SDHB: variants seen among roughly 807,000 people sequenced by gnomAD.
SDHB encodes the protein succinate dehydrogenase [ubiquinone] iron-sulfur subunit, mitochondrial.
Under a neutral mutation model 39.7 loss-of-function variants are expected in SDHB, and 21 were observed. The observed-to-expected ratio is 0.53, with a 90% CI of 0.37 to 0.76. SDHB has a LOEUF of 0.76. Ranked by LOEUF, SDHB falls within the 30% of genes least tolerant of loss-of-function variation. The probability of loss-of-function intolerance (pLI) is 0.00; values close to 1 mark genes in which losing one functional copy is unlikely to be tolerated. For synonymous variants in SDHB, 118 were observed against 117.0 expected (o/e 1.01, Z -0.06); for missense variants, 343 against 350.9 (o/e 0.98, Z 0.18).
chr1:17,032,346 C>A (rs113751922), intron 3 of SDHB, among the ~76,000 whole-genome samples: 1 of 87,396 alleles, frequency 1.1e-5, no homozygotes, highest in African/African-American at 9.2e-5. Context: ...CGCTATCACG[C>A]CCGGCTAATT....
intron 2 of SDHB, among the ~76,000 whole-genome samples, chr1:17,038,678 T>C (rs907582663): frequency 6.6e-6 from 1 of 152,234 alleles, no homozygotes; most frequent in Non-Finnish European, 1.5e-5. Context: ...CAATAAAGTA[T>C]GCTATTAGCT....
chr1:17,019,010 G>T, intron 7 of SDHB, 52 bp from the exon 8 acceptor site: 1 of 1,392,172 alleles, frequency 7.2e-7, no homozygotes, highest in Non-Finnish European at 1.0e-6. Flanking sequence ...AACTGAAAGG[G>T]AAAACCCACA....
At chr1:17,019,967 T>C (rs2077951834) in intron 7 of SDHB, among the ~76,000 whole-genome samples, 2 of 152,156 alleles carry the variant, frequency 1.3e-5, no homozygotes, top group Admixed American at 1.3e-4. Flanking sequence ...AAAGACACTC[T>C]TCATATACCA....
At chr1:17,052,863 C>T (rs796864093) in intron 1 of SDHB, among the ~76,000 whole-genome samples, 3 of 152,294 alleles carry the variant, frequency 2.0e-5, no homozygotes, top group African/African-American at 7.2e-5. Flanking sequence ...TTCTTGGACA[C>T]CAACCATGTC....
At chr1:17,045,133 G>A (rs2078102371) in intron 1 of SDHB, 1 of 504,672 alleles carries the variant, frequency 2.0e-6, no homozygotes, top group African/African-American at 1.9e-5. Flanking sequence ...CATCTTCACA[G>A]AACTTACTTT....
At chr1:17,024,333 A>G (rs1392281773) in intron 5 of SDHB, among the ~76,000 whole-genome samples, 1 of 152,184 alleles carries the variant, frequency 6.6e-6, no homozygotes. Flanking sequence ...AGAACCTCTC[A>G]CTTGTCTAAA....
At chr1:17,039,740 T>C (rs542755701) in intron 2 of SDHB, among the ~76,000 whole-genome samples, 2 of 152,356 alleles carry the variant, frequency 1.3e-5, no homozygotes, top group Non-Finnish European at 2.9e-5. Context: ...GCTACATTAT[T>C]ATAGGTCTAT....
At chr1:17,030,198 A>G in intron 3 of SDHB, among the ~76,000 whole-genome samples, 1 of 152,146 alleles carries the variant, frequency 6.6e-6, no homozygotes, top group East Asian at 1.9e-4. Context: ...CAAAAAAAAG[A>G]AAAAAATAAT....
chr1:17,050,903 C>T (rs1204767883), intron 1 of SDHB, among the ~76,000 whole-genome samples: 1 of 152,180 alleles, frequency 6.6e-6, no homozygotes, highest in Non-Finnish European at 1.5e-5. Context: ...CCTTTATAAT[C>T]TGTCACACAC....
intron 3 of SDHB, chr1:17,032,488 G>A (rs1570951126): frequency 6.3e-6 from 1 of 158,034 alleles, no homozygotes; most frequent in African/African-American, 2.4e-5. Flanking sequence ...GCACCCGGCA[G>A]TAATTATATT....
intron 1 of SDHB, among the ~76,000 whole-genome samples, chr1:17,047,961 G>A (rs1280123305): frequency 2.6e-5 from 4 of 152,142 alleles, no homozygotes; most frequent in Non-Finnish European, 5.9e-5. Flanking sequence ...ATATAGGCAT[G>A]AGCCACCATG....
chr1:17,032,651 C>G, intron 3 of SDHB: 1 of 303,988 alleles, frequency 3.3e-6, no homozygotes. Flanking sequence ...CTACCAAGGA[C>G]ATGTCATGCT....
chr1:17,046,795 AC>A (rs1409645902), intron 1 of SDHB, among the ~76,000 whole-genome samples: 1 of 152,048 alleles, frequency 6.6e-6, no homozygotes, highest in Non-Finnish European at 1.5e-5. Flanking sequence ...TTGGCTCACC[AC>A]AACCTCCGCC....
Position 17,044,771 on chromosome 1 carries a change from C to A in SDHB, c.190G>T (p.Asp64Tyr). ...DKPHMQTYEV[D>Y]LNKCGPMVLD... ...CACAGAGATACTCACTTATTAAGGT[C>A]AACTTCATAAGTCTGCATATGAGGT... is the stretch of plus-strand genomic sequence containing the variant. Residue 64 changes from aspartate (D) to tyrosine (Y), a missense_variant, in exon 2 of 8, where the codon GAC becomes TAC. Physicochemically the swap from Asp to Tyr is radical, Grantham distance 160. Coordinates refer to ENST00000375499, the MANE Select transcript of SDHB (RefSeq NM_003000.3). The A allele has an allele frequency of 6.2e-7, 1 of 1,614,042 alleles. No homozygotes were observed. The highest frequency in any genetic ancestry group is 1.1e-5 in the South Asian group (1 of 91,066).
At chr1:17,047,269 T>C (rs2078115201) in intron 1 of SDHB, among the ~76,000 whole-genome samples, 1 of 151,738 alleles carries the variant, frequency 6.6e-6, no homozygotes, top group Non-Finnish European at 1.5e-5. Flanking sequence ...GGCAGGAGAA[T>C]CGCTTGACCC....
chr1:17,036,711 T>C (rs1277505930), intron 2 of SDHB, among the ~76,000 whole-genome samples: 5 of 146,520 alleles, frequency 3.4e-5, no homozygotes, highest in Non-Finnish European at 7.5e-5. Flanking sequence ...TATGAATATA[T>C]AAATATAAAT....
In SDHB at chr1:17,027,875, A is replaced by AGAG. The variant is rs1365741915; in HGVS notation, c.424-13_424-11dup. 12 of 1,416,936 alleles carry AGAG rather than the reference A, an allele frequency of 8.5e-6. No homozygotes were observed. Among genetic ancestry groups the AGAG allele is most frequent in the Non-Finnish European group, 1.2e-5 (12 of 1,000,874 alleles). The allele number at this position is 1,416,936 out of a possible 1,614,324, so 87.8% of individuals were successfully genotyped here. A position where few individuals can be genotyped will look rare whatever the true frequency, so the allele number is the denominator to read the frequency against. On this transcript the variant is annotated splice_polypyrimidine_tract_variant and intron_variant, in intron 4 of 7. Transcript: ENST00000375499. ...AGAAGTTGCTCAAATCCTGTGGTTAAGAGGAAGAAGAAGAAGAAGAAGAAG... is the reference window on the plus strand; with the variant it reads ...AGAAGTTGCTCAAATCCTGTGGTTAAGAGGAGGAAGAAGAAGAAGAAGAAGAAG...
intron 2 of SDHB, among the ~76,000 whole-genome samples, chr1:17,041,832 T>C (rs2078081765): frequency 6.6e-6 from 1 of 152,168 alleles, no homozygotes; most frequent in Non-Finnish European, 1.5e-5. Context: ...GCTCCTCCTC[T>C]GTGTTTCTCT....
rs758397435 is a variant in SDHB at position 17,038,377 on chromosome 1, T to TACAC, written c.201-5236_201-5233dup. Among the ~76,000 whole-genome samples, 4 of 152,254 alleles carry TACAC rather than the reference T, an allele frequency of 2.6e-5. No homozygotes were observed. The East Asian group carries it at 5.8e-4, about 22-fold the overall frequency. On this transcript the variant is annotated intron_variant, in intron 2 of 7. Transcript: ENST00000375499. ...ATAGAATTATCTGTAGCCATTGAAA[T>TACAC]ACACACACACACAAATAGTATTTTG... is the stretch of plus-strand genomic sequence containing the variant.
Sources: allele counts gnomAD v4.1 joint callset (sites outside exome capture counted in the v4.1 genomes callset), GRCh38; gene constraint gnomAD v4.1.1; transcripts MANE v1.5; gene names NCBI Gene and HGNC (gene_info 2026-07-23, HGNC 2026-07-21).